The following UNC5C variants were observed in gnomAD, a reference collection of about 807,000 sequenced individuals.
UNC5C encodes the protein unc-5 netrin receptor C.
Under a neutral mutation model 99.8 loss-of-function variants are expected in UNC5C, and 47 were observed. The observed-to-expected ratio is 0.47, with a 90% CI of 0.37 to 0.60. UNC5C has a LOEUF of 0.60. Among genes scored for constraint, UNC5C ranks in the 20% least tolerant of loss-of-function variants. UNC5C has a pLI of 0.00. For missense variants in UNC5C, 1,062 were observed against 1,165.9 expected (o/e 0.91, Z 1.30); for synonymous variants, 487 against 452.2 (o/e 1.08, Z -0.98).
chr4:95,445,334 C>CTTTTT (rs11458322), intron 1 of UNC5C, among the ~76,000 whole-genome samples: 2 of 149,784 alleles, frequency 1.3e-5, no homozygotes, highest in Non-Finnish European at 1.5e-5. Context: ...AGAAATGAAT[C>CTTTTT]TTTTTTTTTT....
chr4:95,329,315 A>G (rs1234789802), intron 2 of UNC5C, among the ~76,000 whole-genome samples: 2 of 152,166 alleles, frequency 1.3e-5, no homozygotes, highest in African/African-American at 4.8e-5. Flanking sequence ...TAAATTTAAA[A>G]GTATCACAGT....
intron 10 of UNC5C, among the ~76,000 whole-genome samples, chr4:95,215,549 T>G (rs948581667): frequency 6.6e-6 from 1 of 152,026 alleles, no homozygotes; most frequent in Non-Finnish European, 1.5e-5. Context: ...AAACAAAACC[T>G]TTTAATTCAA....
intron 4 of UNC5C, among the ~76,000 whole-genome samples, chr4:95,261,507 A>G (rs1740224676): frequency 6.6e-6 from 1 of 152,194 alleles, no homozygotes; most frequent in Non-Finnish European, 1.5e-5. Flanking sequence ...AGAAATAACA[A>G]ACTAAATCAT....
intron 7 of UNC5C, among the ~76,000 whole-genome samples, chr4:95,237,267 T>C (rs936890362): frequency 6.6e-6 from 1 of 152,152 alleles, no homozygotes; most frequent in African/African-American, 2.4e-5. Flanking sequence ...TTAAAACTTA[T>C]GCATTCAAGT....
chr4:95,233,665 G>A (rs575381275), intron 7 of UNC5C, among the ~76,000 whole-genome samples: 2 of 152,304 alleles, frequency 1.3e-5, no homozygotes, highest in East Asian at 3.9e-4. Context: ...GCCCCATGTG[G>A]TGGCTCAGGC....
At chr4:95,439,209 G>A (rs1020630271) in intron 1 of UNC5C, among the ~76,000 whole-genome samples, 2 of 152,028 alleles carry the variant, frequency 1.3e-5, no homozygotes, top group Non-Finnish European at 2.9e-5. Flanking sequence ...TATCAAGGCT[G>A]GCCCCAACAA....
intron 1 of UNC5C, among the ~76,000 whole-genome samples, chr4:95,350,215 C>G (rs748299501): frequency 3.3e-5 from 5 of 152,000 alleles, no homozygotes; most frequent in Non-Finnish European, 5.9e-5. Flanking sequence ...CGGCTGGGCG[C>G]GATGGTTCAC....
intron 1 of UNC5C, among the ~76,000 whole-genome samples, chr4:95,517,700 A>G (rs1292774723): frequency 6.6e-6 from 1 of 152,142 alleles, no homozygotes; most frequent in Middle Eastern, 3.2e-3. Flanking sequence ...AGTACCAAAA[A>G]ACGGGATACC....
chr4:95,403,964 A>G (rs1046136885), intron 1 of UNC5C, among the ~76,000 whole-genome samples: 1 of 152,226 alleles, frequency 6.6e-6, no homozygotes, highest in South Asian at 2.1e-4. Flanking sequence ...TTAGACATAC[A>G]TAACACAATA....
chr4:95,249,649 A>G (rs1436191851), intron 5 of UNC5C, among the ~76,000 whole-genome samples: 1 of 152,186 alleles, frequency 6.6e-6, no homozygotes, highest in East Asian at 1.9e-4. Flanking sequence ...CAGGGAGATA[A>G]AAGCATATGT....
chr4:95,209,101 C>G (rs1206525199), intron 10 of UNC5C, among the ~76,000 whole-genome samples: 1 of 152,182 alleles, frequency 6.6e-6, no homozygotes, highest in Non-Finnish European at 1.5e-5. Flanking sequence ...GTTCCCTAAG[C>G]TCATAGATCC....
chr4:95,539,943 T>TGTAATAGTA (rs1261163182), intron 1 of UNC5C, among the ~76,000 whole-genome samples: 4 of 151,918 alleles, frequency 2.6e-5, no homozygotes, highest in Non-Finnish European at 5.9e-5. Context: ...TTTTTTACCA[T>TGTAATAGTA]GTAATAGTAA....
chr4:95,385,831 A>G (rs541475179), intron 1 of UNC5C, among the ~76,000 whole-genome samples: 1 of 152,338 alleles, frequency 6.6e-6, no homozygotes, highest in Non-Finnish European at 1.5e-5. Flanking sequence ...ATTCTAATAT[A>G]TCCAGAATTC....
chr4:95,465,401 AG>A (rs953380667), intron 1 of UNC5C, among the ~76,000 whole-genome samples: 6 of 152,290 alleles, frequency 3.9e-5, no homozygotes, highest in Admixed American at 6.5e-5. Context: ...TTGTAAGGGG[AG>A]GTTAGAATAT....
intron 3 of UNC5C, among the ~76,000 whole-genome samples, chr4:95,294,970 G>A (rs1560774216): frequency 6.6e-6 from 1 of 152,134 alleles, no homozygotes. Flanking sequence ...GGAAGTCATG[G>A]CACTAGGATT....
Position 95,164,793 on chromosome 4 carries a change from C to A in UNC5C, c.*4441G>T, listed in dbSNP as rs1231232414. On this transcript the variant is annotated 3_prime_UTR_variant, in exon 16 of 16. Coordinates refer to ENST00000453304, the MANE Select transcript of UNC5C (RefSeq NM_003728.4). ...CTTACACTGAGTTCTCCACATGAAA[C>A]TGATGACTTGTCCAGAACAACTGCC... 6.6e-6 allele frequency: 1 copy of A among 152,258 alleles called. No individual in the cohort carries two copies. The highest frequency in any genetic ancestry group is 1.5e-5 in the Non-Finnish European group (1 of 68,048). 9.4% of individuals were successfully genotyped at this position (152,258 alleles called of 1,614,324 possible).
At chr4:95,297,759 G>T (rs913113228) in intron 3 of UNC5C, among the ~76,000 whole-genome samples, 1 of 152,226 alleles carries the variant, frequency 6.6e-6, no homozygotes, top group East Asian at 1.9e-4. Flanking sequence ...CACATCCAAG[G>T]TCTCAACAAA....
At chr4:95,199,989 C>T (rs1737590259) in intron 12 of UNC5C, among the ~76,000 whole-genome samples, 2 of 152,202 alleles carry the variant, frequency 1.3e-5, no homozygotes. Flanking sequence ...ACAGGCTTGA[C>T]TATCAAAATT....
At position 95,217,974 on chromosome 4, in the gene UNC5C, A is replaced by ACTT. The variant is rs1359684413; in HGVS notation, c.1645+992_1645+994dup. On this transcript the variant is annotated intron_variant, in intron 9 of 15. Transcript: ENST00000453304. Reference sequence around the variant, plus strand: ...AAATGTTTTGATTTTGTTAAAATATACTTTTAAAGGTTTAGGGTAAAAGTT... The same window carrying ACTT: ...AAATGTTTTGATTTTGTTAAAATATACTTCTTTTAAAGGTTTAGGGTAAAAGTT... 3.9e-5 allele frequency among the ~76,000 whole-genome samples: 6 copies of ACTT among 152,248 alleles called. No homozygotes were observed. In the South Asian group the frequency reaches 8.3e-4, roughly 21 times the overall value.
Sources: gnomAD v4.1 joint callset for allele counts (sites outside exome capture counted in the v4.1 genomes callset) on GRCh38, gnomAD v4.1.1 for gene constraint, MANE v1.5 for transcripts, NCBI Gene and HGNC (gene_info 2026-07-23, HGNC 2026-07-21) for gene names.